Variants in MOCOS observed in about 807,000 individuals in gnomAD.
MOCOS encodes the protein molybdenum cofactor sulfurase, also known as human molybdenum cofactor sulfurase.
MOCOS carries 86 observed loss-of-function variants against 83.6 expected under a neutral mutation model. The ratio of observed to expected loss-of-function variants is 1.03; its 90% confidence interval spans 0.86 to 1.23. The LOEUF (loss-of-function observed/expected upper bound fraction) is 1.23. MOCOS is among the 50% of genes most tolerant of loss of function. MOCOS has a pLI of 0.00. For missense variants in MOCOS, 1,120 were observed against 1,126.9 expected (o/e 0.99, Z 0.09); for synonymous variants, 445 against 434.7 (o/e 1.02, Z -0.29).
rs777899515 is a variant in MOCOS, at chr18:36,268,620, T to A, written c.2602T>A (p.Leu868Met). 1.9e-6 allele frequency: 3 copies of A among 1,614,134 alleles called. No individual in the cohort carries two copies. In the South Asian group the frequency reaches 3.3e-5, roughly 18 times the overall value. ...LSVGSQVLPV[L>M]KENVEGHDLP... is the part of the protein sequence containing the mutation. ...TGTAGGATCTCAGGTGCTCCCTGTG[T>A]TGAAAGAGAATGTGGAAGGTCATGA... The change falls in exon 15 of 15, where the codon TTG becomes ATG. Residue 868 changes from leucine to methionine, a missense_variant. Transcript: ENST00000261326.
intron 6 of MOCOS, among the ~76,000 whole-genome samples, chr18:36,211,556 T>TTG (rs1382314579): frequency 6.6e-6 from 1 of 152,060 alleles, no homozygotes; most frequent in Non-Finnish European, 1.5e-5. Flanking sequence ...CTCCAGGGCA[T>TTG]TGTGGCTGGG....
Position 36,248,917 on chromosome 18 carries a change from A to G in MOCOS, c.1961-5A>G. 2 of 1,613,118 alleles carry G rather than the reference A, an allele frequency of 1.2e-6. No homozygotes were observed. The highest frequency in any genetic ancestry group is 2.2e-5 in the South Asian group (2 of 91,042). On this transcript the variant is annotated splice_region_variant and splice_polypyrimidine_tract_variant and intron_variant, in intron 9 of 14. Transcript: ENST00000261326. ...ATAAATTTGTTTTTAACCTTTGTTC[A>G]TTAGGGATGGAGCCTATAGAGGTGC...
At chr18:36,195,058 C>T (rs139997101) in intron 1 of MOCOS, among the ~76,000 whole-genome samples, 199 bp from the exon 2 acceptor site, 124 of 152,332 alleles carry the variant, frequency 8.1e-4, no homozygotes, top group African/African-American at 2.9e-3. Context: ...GGAGGGCTCT[C>T]TCAGTGCTTT....
chr18:36,268,468 A>T, intron 14 of MOCOS, 65 bp from the exon 15 acceptor site: 1 of 1,602,694 alleles, frequency 6.2e-7, no homozygotes, highest in African/African-American at 1.3e-5. Context: ...ATTAATATTT[A>T]CAAAGTTATT....
At chr18:36,267,764 T>C (rs1159189610) in intron 14 of MOCOS, among the ~76,000 whole-genome samples, 1 of 152,222 alleles carries the variant, frequency 6.6e-6, no homozygotes, top group Non-Finnish European at 1.5e-5. Flanking sequence ...CTAAGGTCCA[T>C]GAAAATAGTG....
At chr18:36,241,010 C>T (rs988031801) in intron 9 of MOCOS, among the ~76,000 whole-genome samples, 1 of 152,204 alleles carries the variant, frequency 6.6e-6, no homozygotes, top group Non-Finnish European at 1.5e-5. Context: ...GGTGCGTGCA[C>T]CCACTGACCT....
At position 36,215,733 on chromosome 18, in the gene MOCOS, A is replaced by G. The variant is rs769396267; in HGVS notation, c.1553A>G (p.Asp518Gly). ...GCCCCATCAGCAGACAGCCAGGCTG[A>G]TGTTATACCTGCTGTCATGGGCAGA... ...TGAPSADSQA[D>G]VIPAVMGRRS... The change falls in exon 8 of 15, where the codon GAT (aspartate) becomes GGT (glycine). Residue 518 changes from aspartate to glycine, a missense_variant. Coordinates refer to ENST00000261326, the MANE Select transcript of MOCOS (RefSeq NM_017947.4). 5 of 1,614,080 alleles carry G rather than the reference A, an allele frequency of 3.1e-6. No individual in the cohort carries two copies. In the African/African-American group the frequency reaches 4.0e-5, roughly 13 times the overall value.
chr18:36,210,157 A>G (rs1047844658), intron 6 of MOCOS, among the ~76,000 whole-genome samples: 4 of 152,200 alleles, frequency 2.6e-5, no homozygotes, highest in African/African-American at 9.7e-5. Context: ...TCCTTATAGA[A>G]TGAGTTAGGG....
chr18:36,242,291 C>A (rs1338299893), intron 9 of MOCOS, among the ~76,000 whole-genome samples: 1 of 152,186 alleles, frequency 6.6e-6, no homozygotes, highest in African/African-American at 2.4e-5. Context: ...TAAAGCATAG[C>A]AAGGTGACCT....
chr18:36,257,428 C>T (rs576459299), intron 12 of MOCOS, among the ~76,000 whole-genome samples: 8 of 152,182 alleles, frequency 5.3e-5, no homozygotes, highest in Admixed American at 2.6e-4. Flanking sequence ...ATCCCCTGTC[C>T]CCGAGGATCT....
chr18:36,240,901 T>G (rs924894563), intron 9 of MOCOS, among the ~76,000 whole-genome samples: 7 of 152,168 alleles, frequency 4.6e-5, no homozygotes, highest in Admixed American at 3.9e-4. Context: ...ATTCTCCAGG[T>G]GCCGTCCGTC....
intron 8 of MOCOS, among the ~76,000 whole-genome samples, chr18:36,218,327 C>A (rs1174662450): frequency 6.7e-6 from 1 of 150,168 alleles, no homozygotes; most frequent in African/African-American, 2.4e-5. Context: ...TTAATTTTAC[C>A]TTTTATGGCT....
chr18:36,190,449 G>A (rs1053414475), intron 1 of MOCOS, among the ~76,000 whole-genome samples: 1 of 152,068 alleles, frequency 6.6e-6, no homozygotes, highest in Non-Finnish European at 1.5e-5. Context: ...AGATCCGGTT[G>A]TTTAAAGTGT....
At chr18:36,205,419 G>A (rs578256690) in intron 6 of MOCOS, 143 bp downstream of exon 6, 21 of 857,796 alleles carry the variant, frequency 2.4e-5, no homozygotes, top group Admixed American at 6.1e-5. Flanking sequence ...ATTCACCCTC[G>A]TTTTTCAGTC....
intron 1 of MOCOS, 131 bp downstream of exon 1, chr18:36,187,812 C>G: frequency 9.7e-7 from 1 of 1,025,780 alleles, no homozygotes; most frequent in Non-Finnish European, 1.2e-6. Context: ...AGGGACGTGT[C>G]CACGCGTCCT....
intron 9 of MOCOS, among the ~76,000 whole-genome samples, chr18:36,246,486 G>A (rs1416913997): frequency 1.3e-5 from 2 of 152,230 alleles, no homozygotes; most frequent in Admixed American, 6.5e-5. Context: ...TCATCTTCAC[G>A]TCTTCCAGCT....
chr18:36,243,663 C>T (rs375753535), intron 9 of MOCOS, among the ~76,000 whole-genome samples: 18 of 152,042 alleles, frequency 1.2e-4, no homozygotes, highest in African/African-American at 3.4e-4. Context: ...TCTGTCTCTG[C>T]CTTTTGAAAT....
chr18:36,198,591 G>A (rs2091399445), intron 2 of MOCOS, 99 bp from the exon 3 acceptor site: 3 of 1,205,464 alleles, frequency 2.5e-6, no homozygotes, highest in Admixed American at 1.8e-5. Flanking sequence ...GTAGTTTTAT[G>A]TTGAGCTTTT....
chr18:36,218,386 C>T (rs1374213390), intron 8 of MOCOS, among the ~76,000 whole-genome samples: 1 of 151,298 alleles, frequency 6.6e-6, no homozygotes, highest in Non-Finnish European at 1.5e-5. Context: ...ACATTTGTAC[C>T]TTATCTTCCG....
Sources: gnomAD v4.1 joint callset for allele counts (sites outside exome capture counted in the v4.1 genomes callset) on GRCh38, gnomAD v4.1.1 for gene constraint, MANE v1.5 for transcripts, NCBI Gene and HGNC (gene_info 2026-07-23, HGNC 2026-07-21) for gene names.